Variants in TSGA10 observed in about 807,000 individuals in gnomAD.
The protein encoded by TSGA10 is testis specific 10, also known as testis-specific gene 10 protein.
TSGA10 carries 43 observed loss-of-function variants against 96.6 expected under a neutral mutation model. The ratio of observed to expected loss-of-function variants is 0.44; its 90% CI spans 0.35 to 0.57. TSGA10 has a LOEUF of 0.57. Ranked by LOEUF, TSGA10 falls within the 20% of genes least tolerant of loss-of-function variation. The probability of loss-of-function intolerance (pLI) is 0.01; values close to 1 mark genes in which losing one functional copy is unlikely to be tolerated. For missense variants in TSGA10, 703 were observed against 834.4 expected, an observed-to-expected ratio of 0.84 and a Z score of 1.94; for synonymous variants, 229 against 269.9, an observed-to-expected ratio of 0.85 and a Z score of 1.48.
chr2:99,099,551 G>T (rs557158897), intron 10 of TSGA10, among the ~76,000 whole-genome samples: 1 of 152,154 alleles, frequency 6.6e-6, no homozygotes, highest in Admixed American at 6.5e-5. Flanking sequence ...AAAATAATGT[G>T]ACCATCTAAA....
At chr2:99,009,807 T>C (rs1217917550) in intron 20 of TSGA10, among the ~76,000 whole-genome samples, 1 of 152,102 alleles carries the variant, frequency 6.6e-6, no homozygotes, top group Non-Finnish European at 1.5e-5. Flanking sequence ...TGGAGTTTTG[T>C]TTATATTTTT....
At chr2:99,117,045 T>C in intron 4 of TSGA10, 1 of 152,244 alleles carries the variant, frequency 6.6e-6, no homozygotes, top group Non-Finnish European at 1.5e-5. Context: ...TTGTGAATAG[T>C]GCTGCCATAA....
chr2:99,037,627 T>C (rs2081767094), intron 16 of TSGA10, among the ~76,000 whole-genome samples: 1 of 152,042 alleles, frequency 6.6e-6, no homozygotes, highest in South Asian at 2.1e-4. Context: ...GGCAGGTGGA[T>C]CGCCTGAGGC....
chr2:99,026,804 T>C (rs187581027), intron 17 of TSGA10, among the ~76,000 whole-genome samples: 2 of 152,242 alleles, frequency 1.3e-5, no homozygotes, highest in East Asian at 1.9e-4. Context: ...AATGGATGAA[T>C]TGATAAAGAA....
intron 20 of TSGA10, among the ~76,000 whole-genome samples, chr2:99,012,594 T>C (rs960830047): frequency 3.9e-5 from 6 of 152,146 alleles, no homozygotes; most frequent in Admixed American, 2.6e-4. Context: ...AGGGACATTA[T>C]ATAATGATAA....
intron 1 of TSGA10, chr2:99,147,506 G>A: frequency 1.2e-6 from 2 of 1,613,312 alleles, no homozygotes; most frequent in Middle Eastern, 3.3e-4. Flanking sequence ...AAGACTCACA[G>A]GGCCAAGTCT....
At chr2:99,106,031 G>A (rs372665627) in intron 7 of TSGA10, among the ~76,000 whole-genome samples, 2 of 152,262 alleles carry the variant, frequency 1.3e-5, no homozygotes, top group South Asian at 2.1e-4. Context: ...AATTTAGACA[G>A]ACTACCGGTT....
At chr2:99,045,112 T>C (rs2082623578) in intron 16 of TSGA10, among the ~76,000 whole-genome samples, 1 of 151,650 alleles carries the variant, frequency 6.6e-6, no homozygotes, top group Non-Finnish European at 1.5e-5. Flanking sequence ...AACATCACAA[T>C]TAAAAGAACT....
intron 1 of TSGA10, among the ~76,000 whole-genome samples, chr2:99,136,100 C>A: frequency 6.6e-6 from 1 of 151,608 alleles, no homozygotes; most frequent in Non-Finnish European, 1.5e-5. Context: ...TAGTGCCTGG[C>A]ACATGATAAG....
chr2:99,120,296 A>C (rs527997617), intron 2 of TSGA10, among the ~76,000 whole-genome samples: 33 of 152,288 alleles, frequency 2.2e-4, no homozygotes, highest in African/African-American at 7.9e-4. Flanking sequence ...ACTCAATTCC[A>C]AGACAAAAGT....
intron 1 of TSGA10, chr2:99,141,159 C>T (rs1332513211): frequency 2.4e-6 from 3 of 1,264,722 alleles, no homozygotes; most frequent in Non-Finnish European, 3.1e-6. Flanking sequence ...TGTCAGCTCT[C>T]GGCCTCAGCG....
chr2:99,095,763 C>T (rs540522740), intron 10 of TSGA10, among the ~76,000 whole-genome samples: 6 of 152,336 alleles, frequency 3.9e-5, no homozygotes, highest in Admixed American at 3.3e-4. Flanking sequence ...GCCTCAGCCT[C>T]CCCAGTAGCT....
At chr2:99,113,586 T>C (rs2091993876) in intron 4 of TSGA10, among the ~76,000 whole-genome samples, 1 of 152,128 alleles carries the variant, frequency 6.6e-6, no homozygotes. Flanking sequence ...CTCTTTGTCA[T>C]CCAGGCTGGA....
intron 16 of TSGA10, among the ~76,000 whole-genome samples, chr2:99,035,830 T>C (rs1374122774): frequency 6.6e-6 from 1 of 152,132 alleles, no homozygotes. Context: ...ACAAAAATGC[T>C]AGCCACTGTT....
At chr2:99,098,026 T>C (rs959761678) in intron 10 of TSGA10, among the ~76,000 whole-genome samples, 1 of 151,900 alleles carries the variant, frequency 6.6e-6, no homozygotes, top group African/African-American at 2.4e-5. Flanking sequence ...AATGAAAAAA[T>C]TGACAGGTCT....
At chr2:99,021,253 G>A (rs2104958432) in intron 17 of TSGA10, among the ~76,000 whole-genome samples, 1 of 151,790 alleles carries the variant, frequency 6.6e-6, no homozygotes, top group South Asian at 2.1e-4. Context: ...AGGTAGGTAG[G>A]GAAATTTTCT....
chr2:99,071,564 TG>T, intron 14 of TSGA10, 141 bp downstream of exon 14: 1 of 639,242 alleles, frequency 1.6e-6, no homozygotes, highest in Non-Finnish European at 2.6e-6. Context: ...AAAAATTATG[TG>T]GCCTATTTTG....
chr2:99,143,811 T>A (rs1317812610), intron 1 of TSGA10, among the ~76,000 whole-genome samples: 1 of 152,144 alleles, frequency 6.6e-6, no homozygotes, highest in Non-Finnish European at 1.5e-5. Context: ...TGCTCTCTCG[T>A]GACAGACACC....
intron 12 of TSGA10, among the ~76,000 whole-genome samples, chr2:99,074,068 G>A (rs1487250807): frequency 1.2e-4 from 15 of 124,234 alleles, no homozygotes; most frequent in East Asian, 2.2e-4. Context: ...GCTGGAGTGC[G>A]AGGGCGCGAT....
Sources: gnomAD v4.1 joint callset for allele counts (sites outside exome capture counted in the v4.1 genomes callset) on GRCh38, gnomAD v4.1.1 for gene constraint, MANE v1.5 for transcripts, NCBI Gene and HGNC (gene_info 2026-07-23, HGNC 2026-07-21) for gene names.